The following STEAP3 variants were observed in gnomAD, a reference collection of about 807,000 sequenced individuals.
STEAP3 encodes the protein metalloreductase STEAP3.
In STEAP3, 35 loss-of-function variants were observed where a neutral mutation model predicts 34.9. The observed-to-expected ratio is 1.00, with a 90% CI of 0.76 to 1.33. The LOEUF is 1.33. Among genes scored for constraint, STEAP3 ranks in the 40% most tolerant of loss-of-function variants. The pLI is 0.00. For synonymous variants in STEAP3, 281 were observed against 301.6 expected, an observed-to-expected ratio of 0.93 and a Z score of 0.71; for missense variants, 652 against 667.6, an observed-to-expected ratio of 0.98 and a Z score of 0.26.
rs757338271 is a variant in STEAP3, at chr2:119,245,632, C to G, written c.166C>G (p.Arg56Gly). The change falls in exon 3 of 6, where the codon CGC (arginine) becomes GGC (glycine). Residue 56 changes from arginine to glycine, a missense_variant. Arg to Gly is a moderately radical substitution (Grantham distance 125). Transcript: ENST00000393110. Reference protein sequence around the residue: ...SGDFARSLATRLVGSGFKVVV... With the variant: ...SGDFARSLATGLVGSGFKVVV... ...GGACTTTGCCCGCTCCCTGGCCACA[C>G]GCCTGGTGGGCTCTGGCTTCAAAGT... 1 of 1,611,148 alleles carries G rather than the reference C, an allele frequency of 6.2e-7. No homozygotes were observed. Among genetic ancestry groups the G allele is most frequent in the Non-Finnish European group, 8.5e-7 (1 of 1,177,548 alleles).
intron 2 of STEAP3, among the ~76,000 whole-genome samples, chr2:119,242,733 G>A (rs1442478212): frequency 6.6e-6 from 1 of 152,228 alleles, no homozygotes; most frequent in Admixed American, 6.5e-5. Context: ...CTGCCCATAA[G>A]GGAAGTGCTG....
chr2:119,263,530 CATAT>C lies in STEAP3; in HGVS notation c.*195_*198del. The C allele has an allele frequency of 2.7e-6, 2 of 742,574 alleles. No individual in the cohort carries two copies. Among genetic ancestry groups the C allele is most frequent in the Non-Finnish European group, 4.5e-6 (2 of 443,676 alleles). 46.0% of individuals were successfully genotyped at this position (742,574 alleles called of 1,614,324 possible). A position where few individuals can be genotyped will look rare whatever the true frequency, so the allele number is the denominator to read the frequency against. On this transcript the variant is annotated 3_prime_UTR_variant, in exon 6 of 6. Coordinates refer to ENST00000393110, the MANE Select transcript of STEAP3 (RefSeq NM_182915.3). The stretch of plus-strand genomic sequence containing the variant: ...ACACACATATGTGTATATGTATTTA[CATAT>C]ATTCCACATATATAACAGGATTTGC...
At chr2:119,226,282 G>A (rs1679037620) in intron 1 of STEAP3, among the ~76,000 whole-genome samples, 1 of 152,208 alleles carries the variant, frequency 6.6e-6, no homozygotes. Context: ...TCCAGCTGAG[G>A]CTGGATCCAC....
chr2:119,257,445 C>T lies in STEAP3; in HGVS notation c.1215+2597C>T, dbSNP rs541198693. The T allele has an allele frequency of 8.4e-5, 126 of 1,497,672 alleles. No individual in the cohort carries two copies. The African/African-American group carries it at 1.1e-3, about 13-fold the overall frequency. The allele number at this position is 1,497,672 out of a possible 1,614,324, so 92.8% of individuals were successfully genotyped here. A position where few individuals can be genotyped will look rare whatever the true frequency, so the allele number is the denominator to read the frequency against. ...CAGCTCCCTAAGTGACTGATAGGTGCGCATGCCGCAGTGTGTGGCAACTTC... is the reference window on the plus strand; with the variant it reads ...CAGCTCCCTAAGTGACTGATAGGTGTGCATGCCGCAGTGTGTGGCAACTTC... On this transcript the variant is annotated intron_variant, in intron 5 of 5. Coordinates refer to ENST00000393110, the MANE Select transcript of STEAP3 (RefSeq NM_182915.3).
intron 1 of STEAP3, among the ~76,000 whole-genome samples, chr2:119,226,594 G>A (rs745992644): frequency 1.3e-5 from 2 of 152,080 alleles, no homozygotes; most frequent in African/African-American, 2.4e-5. Flanking sequence ...CGGGGTTGGA[G>A]ACTAGATGGT....
At chr2:119,239,357 T>G (rs2104806873) in intron 2 of STEAP3, 1 of 152,978 alleles carries the variant, frequency 6.5e-6, no homozygotes, top group South Asian at 2.1e-4. Flanking sequence ...AACCTCCGCC[T>G]CCCAGGTTCA....
intron 2 of STEAP3, among the ~76,000 whole-genome samples, chr2:119,235,643 G>A (rs1677073297): frequency 6.6e-6 from 1 of 152,210 alleles, no homozygotes; most frequent in South Asian, 2.1e-4. Flanking sequence ...TAAGTGCTGG[G>A]GTTTGCAAAA....
At chr2:119,246,304 A>T in intron 3 of STEAP3, 1 of 322,612 alleles carries the variant, frequency 3.1e-6, no homozygotes, top group Non-Finnish European at 5.8e-6. Context: ...GCCAAGAAGG[A>T]GAGAGACTTG....
rs572971722 is a variant in STEAP3, at chr2:119,256,221, AAC to A, written c.1215+1377_1215+1378del. On this transcript the variant is annotated intron_variant, in intron 5 of 5. Coordinates refer to ENST00000393110, the MANE Select transcript of STEAP3 (RefSeq NM_182915.3). ...AGGGATGCTTCACATCCATTGGAAC[AAC>A]ACAGAGTTGTAGCCGTGTGTTTTTT... Among the ~76,000 whole-genome samples the A allele has an allele frequency of 1.2e-4, 19 of 152,330 alleles. No individual in the cohort carries two copies. In the South Asian group the frequency reaches 3.7e-3, roughly 30 times the overall value.
rs3769653 is a variant in STEAP3, at chr2:119,263,743, C to T, written c.*405C>T. The T allele has an allele frequency of 0.37, 114,282 of 306,794 alleles. 23,675 individuals carry two copies. The highest frequency in any genetic ancestry group is 0.45 in the Non-Finnish European group (71,861 of 158,568). The allele number at this position is 306,794 out of a possible 1,614,324, so 19.0% of individuals were successfully genotyped here. ...GTTCGATTTATCCCTGCCCACCCCA[C>T]CCCCACAACTTCCCTTTTGCTACTT... On this transcript the variant is annotated 3_prime_UTR_variant, in exon 6 of 6. Transcript: ENST00000393110.
chr2:119,263,119 C>G lies in STEAP3; in HGVS notation c.1278C>G (p.Thr426=). Residue 426 remains threonine, a synonymous_variant, in exon 6 of 6, where the codon ACC becomes ACG. Coordinates refer to ENST00000393110, the MANE Select transcript of STEAP3 (RefSeq NM_182915.3). ...STLHTLTYGW[T]RAFEESRYKF... ...TGCACACGCTCACCTACGGCTGGACCCGCGCCTTCGAGGAGAGCCGCTACA... is the reference window on the plus strand; with the variant it reads ...TGCACACGCTCACCTACGGCTGGACGCGCGCCTTCGAGGAGAGCCGCTACA... 2 of 1,613,094 alleles carry G rather than the reference C, an allele frequency of 1.2e-6. No individual in the cohort carries two copies. The highest frequency in any genetic ancestry group is 2.2e-5 in the South Asian group (2 of 91,070).
In STEAP3 at chr2:119,235,664, C is replaced by T. The variant is rs369466215; in HGVS notation, c.22+4630C>T. Among the ~76,000 whole-genome samples the T allele has an allele frequency of 3.3e-5, 5 of 152,362 alleles. No homozygotes were observed. In the East Asian group the frequency reaches 7.7e-4, roughly 23 times the overall value. On this transcript the variant is annotated intron_variant, in intron 2 of 5. Transcript: ENST00000393110. ...CTGGGGTTTGCAAAAGTGAGTTTTACTTAGTTCTCACCTTGAGGAGCTTGG... is the reference window on the plus strand; with the variant it reads ...CTGGGGTTTGCAAAAGTGAGTTTTATTTAGTTCTCACCTTGAGGAGCTTGG...
chr2:119,242,279 G>A (rs946772149), intron 2 of STEAP3, among the ~76,000 whole-genome samples: 16 of 152,188 alleles, frequency 1.1e-4, no homozygotes, highest in Non-Finnish European at 2.2e-4. Context: ...GGGGCCTCAG[G>A]CTGGCTACTC....
chr2:119,238,187 T>G (rs761096068), intron 2 of STEAP3, among the ~76,000 whole-genome samples: 3 of 152,192 alleles, frequency 2.0e-5, no homozygotes, highest in Non-Finnish European at 4.4e-5. Context: ...AGTTGCTGGG[T>G]CATATAGAAA....
chr2:119,233,899 G>A (rs1241622064), intron 2 of STEAP3, among the ~76,000 whole-genome samples: 2 of 152,202 alleles, frequency 1.3e-5, no homozygotes, highest in Admixed American at 1.3e-4. Flanking sequence ...GCTGGCCCAT[G>A]GCAGGTGGTT....
intron 5 of STEAP3, among the ~76,000 whole-genome samples, chr2:119,258,774 A>ATTTTTTTTTTTTTTT (rs57860527): frequency 8.3e-6 from 1 of 121,050 alleles, no homozygotes; most frequent in African/African-American, 3.2e-5. Flanking sequence ...CACCTGGCTA[A>ATTTTTTTTTTTTTTT]TTTTTTTTTT....
At chr2:119,245,122 C>T (rs1237682210) in intron 2 of STEAP3, 1 of 230,984 alleles carries the variant, frequency 4.3e-6, no homozygotes, top group Non-Finnish European at 8.6e-6. Context: ...TGGCTAGTGA[C>T]ACTGTCCATT....
intron 2 of STEAP3, among the ~76,000 whole-genome samples, chr2:119,242,930 T>G (rs1180197725): frequency 6.6e-6 from 1 of 152,034 alleles, no homozygotes; most frequent in Non-Finnish European, 1.5e-5. Context: ...ATAGGATGGG[T>G]CAGGAGGCCC....
chr2:119,248,305 C>A, intron 4 of STEAP3, 99 bp downstream of exon 4: 1 of 1,364,768 alleles, frequency 7.3e-7, no homozygotes, highest in Non-Finnish European at 9.8e-7. Context: ...CCCACGGGTG[C>A]AGCCTTACCA....
Sources: allele counts gnomAD v4.1 joint callset (sites outside exome capture counted in the v4.1 genomes callset), GRCh38; gene constraint gnomAD v4.1.1; transcripts MANE v1.5; gene names NCBI Gene and HGNC (gene_info 2026-07-23, HGNC 2026-07-21).